INPP4B: variants seen among roughly 807,000 people sequenced by gnomAD.
INPP4B encodes inositol polyphosphate-4-phosphatase type II B.
A neutral mutation model predicts 122.5 loss-of-function variants in INPP4B; 55 were observed. The observed-to-expected ratio is 0.45, with a 90% CI of 0.36 to 0.56. The LOEUF (loss-of-function observed/expected upper bound fraction) is 0.56. Among genes scored for constraint, INPP4B ranks in the 20% least tolerant of loss-of-function variants. INPP4B has a pLI of 0.00. For synonymous variants in INPP4B, 403 were observed against 388.7 expected (o/e 1.04, Z -0.43); for missense variants, 1,000 against 1,097.7 (o/e 0.91, Z 1.26).
chr4:142,378,421 T>C (rs1579896451), intron 7 of INPP4B, among the ~76,000 whole-genome samples: 2 of 152,296 alleles, frequency 1.3e-5, no homozygotes, highest in South Asian at 4.1e-4. Flanking sequence ...TTACAGTCTA[T>C]TGTAATAGCT....
intron 16 of INPP4B, among the ~76,000 whole-genome samples, chr4:142,173,148 G>A (rs369701949): frequency 7.9e-5 from 12 of 151,628 alleles, no homozygotes; most frequent in African/African-American, 2.2e-4. Flanking sequence ...ACCTCTCCTC[G>A]GTAAATAAAG....
intron 3 of INPP4B, among the ~76,000 whole-genome samples, chr4:142,452,498 C>T (rs1368109465): frequency 6.6e-6 from 1 of 152,162 alleles, no homozygotes; most frequent in Non-Finnish European, 1.5e-5. Context: ...TTAGCTAAAT[C>T]TTTAAAATAC....
At chr4:142,409,499 TAATA>T (rs10524814) in intron 5 of INPP4B, among the ~76,000 whole-genome samples, 109,613 of 150,402 alleles carry the variant, frequency 0.73, 40,517 homozygotes, top group East Asian at 0.88. Flanking sequence ...TCTCAAAAAA[TAATA>T]AATAAATAAA....
At chr4:142,379,471 C>T (rs1416300202) in intron 7 of INPP4B, among the ~76,000 whole-genome samples, 1 of 152,154 alleles carries the variant, frequency 6.6e-6, no homozygotes, top group Non-Finnish European at 1.5e-5. Context: ...CACCTTCTGC[C>T]TTGGTACACA....
chr4:142,254,037 G>T (rs1219559838), intron 11 of INPP4B, among the ~76,000 whole-genome samples: 3 of 150,020 alleles, frequency 2.0e-5, no homozygotes, highest in East Asian at 4.0e-4. Flanking sequence ...CCTCTAGTGG[G>T]TCCCTGACCC....
intron 2 of INPP4B, among the ~76,000 whole-genome samples, chr4:142,556,574 A>G (rs546301426): frequency 3.9e-5 from 6 of 152,294 alleles, no homozygotes; most frequent in South Asian, 2.1e-4. Context: ...GGCACCAATG[A>G]CCAAAATGGG....
chr4:142,758,224 C>G (rs991964846), intron 1 of INPP4B, among the ~76,000 whole-genome samples: 1 of 152,012 alleles, frequency 6.6e-6, no homozygotes, highest in Non-Finnish European at 1.5e-5. Context: ...GATATTTGGT[C>G]TAGAAGTGAA....
chr4:142,843,082 C>A (rs902943509), intron 1 of INPP4B, among the ~76,000 whole-genome samples: 1 of 150,096 alleles, frequency 6.7e-6, no homozygotes, highest in African/African-American at 2.4e-5. Context: ...GACCATTGTG[C>A]CTGAGACTGA....
At chr4:142,731,467 G>C (rs1766075676) in intron 1 of INPP4B, among the ~76,000 whole-genome samples, 1 of 152,096 alleles carries the variant, frequency 6.6e-6, no homozygotes, top group Non-Finnish European at 1.5e-5. Flanking sequence ...GATCCATATA[G>C]CAAGACAATA....
intron 17 of INPP4B, among the ~76,000 whole-genome samples, chr4:142,149,718 TC>T (rs923654770): frequency 6.6e-6 from 1 of 152,112 alleles, no homozygotes; most frequent in Non-Finnish European, 1.5e-5. Flanking sequence ...GCTGGTCCCG[TC>T]CCATGGACCC....
At chr4:142,555,333 C>T (rs1728910993) in intron 2 of INPP4B, among the ~76,000 whole-genome samples, 1 of 152,162 alleles carries the variant, frequency 6.6e-6, no homozygotes, top group South Asian at 2.1e-4. Context: ...GCTAGTTCAG[C>T]AGCCCTGGTC....
chr4:142,193,920 A>C (rs912990270), intron 14 of INPP4B, among the ~76,000 whole-genome samples: 2 of 152,158 alleles, frequency 1.3e-5, no homozygotes, highest in African/African-American at 2.4e-5. Context: ...TCATTTTTAC[A>C]TTCTAATGCA....
chr4:142,741,070 A>G (rs1767828688), intron 1 of INPP4B, among the ~76,000 whole-genome samples: 1 of 152,078 alleles, frequency 6.6e-6, no homozygotes, highest in South Asian at 2.1e-4. Flanking sequence ...GACTTTGTAC[A>G]GTCAGATAAC....
At chr4:142,653,325 T>G (rs1185733086) in intron 2 of INPP4B, among the ~76,000 whole-genome samples, 1 of 152,174 alleles carries the variant, frequency 6.6e-6, no homozygotes. Flanking sequence ...AAGGACTTCA[T>G]GACTAAGACA....
intron 2 of INPP4B, among the ~76,000 whole-genome samples, chr4:142,633,159 A>C (rs939466134): frequency 2.0e-5 from 3 of 152,018 alleles, no homozygotes; most frequent in African/African-American, 7.2e-5. Context: ...CAAAAAGGAC[A>C]CTTCATAACA....
At chr4:142,299,293 C>T (rs546655683) in intron 9 of INPP4B, among the ~76,000 whole-genome samples, 1 of 151,920 alleles carries the variant, frequency 6.6e-6, no homozygotes, top group Non-Finnish European at 1.5e-5. Flanking sequence ...TCTCGCATAG[C>T]TGGGACTACA....
intron 4 of INPP4B, 85 bp from the exon 5 acceptor site, chr4:142,429,302 A>C: frequency 2.8e-6 from 2 of 703,172 alleles, no homozygotes; most frequent in Non-Finnish European, 2.4e-6. Context: ...CTTCATTGTG[A>C]CCAGAATGAA....
chr4:142,047,896 C>T (rs770306217), intron 25 of INPP4B, among the ~76,000 whole-genome samples: 2 of 152,092 alleles, frequency 1.3e-5, no homozygotes, highest in Non-Finnish European at 2.9e-5. Flanking sequence ...ACTGTGGCTG[C>T]TGTTGCACCA....
intron 11 of INPP4B, among the ~76,000 whole-genome samples, chr4:142,241,214 G>A (rs181057299): frequency 5.3e-5 from 8 of 150,612 alleles, no homozygotes; most frequent in Admixed American, 5.3e-4. Context: ...AGAGCCCTGT[G>A]TGTATTCTCA....
Sources: gnomAD v4.1 joint callset for allele counts (sites outside exome capture counted in the v4.1 genomes callset) on GRCh38, gnomAD v4.1.1 for gene constraint, MANE v1.5 for transcripts, NCBI Gene and HGNC (gene_info 2026-07-23, HGNC 2026-07-21) for gene names.